The following GLS variants were observed in gnomAD, a reference collection of about 807,000 sequenced individuals.
GLS encodes the protein glutaminase kidney isoform, mitochondrial.
GLS carries 36 observed loss-of-function variants against 86.7 expected under a neutral mutation model. That is an observed-to-expected ratio of 0.42 (90% confidence interval 0.32 to 0.55). The LOEUF (loss-of-function observed/expected upper bound fraction) is 0.55, where lower values mean the gene tolerates loss of function less well. GLS is among the 20% of genes least tolerant of loss of function. GLS has a pLI of 0.17. For synonymous variants in GLS, 317 were observed against 305.9 expected, an observed-to-expected ratio of 1.04 and a Z score of -0.38; for missense variants, 528 against 833.4, an observed-to-expected ratio of 0.63 and a Z score of 4.51.
At chr2:190,946,939 G>C (rs964676236) in intron 14 of GLS, among the ~76,000 whole-genome samples, 2 of 151,920 alleles carry the variant, frequency 1.3e-5, no homozygotes, top group African/African-American at 4.8e-5. Flanking sequence ...GTGTGACCTT[G>C]AGCCAGGGTC....
chr2:190,881,193 C>T lies in GLS; in HGVS notation c.109C>T (p.Arg37Cys), dbSNP rs754525057. The T allele has an allele frequency of 3.0e-6, 4 of 1,313,950 alleles. No homozygotes were observed. In the South Asian group the frequency reaches 6.6e-5, roughly 22 times the overall value. 81.4% of individuals were successfully genotyped at this position (1,313,950 alleles called of 1,614,324 possible). ...RAQPLVTLCR[R>C]PRGGGRPAAG... Reference sequence around the variant, plus strand: ...ACAGCCCTTGGTCACCCTGTGCCGGCGTCCCCGAGGCGGGGGACGGCCGGC... The same window carrying T: ...ACAGCCCTTGGTCACCCTGTGCCGGTGTCCCCGAGGCGGGGGACGGCCGGC... The change falls in exon 1 of 18, where the codon CGT becomes TGT. Residue 37 changes from arginine to cysteine, a missense_variant. Arg to Cys is a radical substitution (Grantham distance 180). Transcript: ENST00000320717.
chr2:190,939,809 A>C (rs558210954), intron 14 of GLS, among the ~76,000 whole-genome samples: 1 of 151,902 alleles, frequency 6.6e-6, no homozygotes, highest in South Asian at 2.1e-4. Flanking sequence ...TAAATTATTA[A>C]TTGAATTCCA....
At chr2:190,915,513 A>G (rs1045716466) in intron 7 of GLS, among the ~76,000 whole-genome samples, 9 of 152,208 alleles carry the variant, frequency 5.9e-5, no homozygotes, top group Non-Finnish European at 1.2e-4. Flanking sequence ...ATGCTTGTAC[A>G]GTGATCTTCA....
chr2:190,901,288 G>A (rs367560462), intron 4 of GLS, among the ~76,000 whole-genome samples: 3 of 151,762 alleles, frequency 2.0e-5, no homozygotes, highest in Non-Finnish European at 4.4e-5. Context: ...ATTATATACC[G>A]AATTCTTACA....
intron 7 of GLS, among the ~76,000 whole-genome samples, chr2:190,915,545 G>T (rs1173683811): frequency 6.6e-6 from 1 of 152,020 alleles, no homozygotes; most frequent in Non-Finnish European, 1.5e-5. Flanking sequence ...ATATATCTTT[G>T]GATTCCATAC....
At chr2:190,922,791 C>T (rs764177080) in intron 9 of GLS, among the ~76,000 whole-genome samples, 4 of 152,156 alleles carry the variant, frequency 2.6e-5, no homozygotes, top group Admixed American at 1.3e-4. Flanking sequence ...ATATAAAGAA[C>T]ATTAACCACA....
rs1688159434 is a variant in GLS, at chr2:190,881,303, C to T, written c.219C>T (p.Ser73=). 1 of 1,491,944 alleles carries T rather than the reference C, an allele frequency of 6.7e-7. No homozygotes were observed. The highest frequency in any genetic ancestry group is 8.9e-7 in the Non-Finnish European group (1 of 1,121,000). 92.4% of individuals were successfully genotyped at this position (1,491,944 alleles called of 1,614,324 possible). The change falls in exon 1 of 18, where the codon TCC becomes TCT. Residue 73 remains serine, a synonymous_variant. Transcript: ENST00000320717. ...CGGAGCCCCTCGCGCGGGGCCTGTC[C>T]AGCTCTCCTTCGGAGATCTTGCAGG... ...WPAEPLARGL[S]SSPSEILQEL...
intron 6 of GLS, among the ~76,000 whole-genome samples, chr2:190,908,237 G>T (rs774761337): frequency 6.6e-6 from 1 of 151,970 alleles, no homozygotes; most frequent in Non-Finnish European, 1.5e-5. Context: ...ATATAATACC[G>T]AAAATATAAA....
rs1690710736 is a variant in GLS at position 190,951,235 on chromosome 2, G to A, written c.1651-2330G>A. On this transcript the variant is annotated intron_variant, in intron 14 of 17. Transcript: ENST00000320717. This position sits in a 1 kb window ranked among gnomAD's most constrained non-coding sequence, Gnocchi z 4.2. ...CAGCATGGAAGGCAAGTCGTGAGAG[G>A]GTGGAGGGTGCTGGGGGGATCTGAA... Among the ~76,000 whole-genome samples the A allele has an allele frequency of 2.0e-5, 3 of 152,154 alleles. No homozygotes were observed. The South Asian group carries it at 6.2e-4, about 31-fold the overall frequency.
In GLS at chr2:190,949,805, T is replaced by C. The variant is rs1690670747; in HGVS notation, c.1651-3760T>C. 6.6e-6 allele frequency among the ~76,000 whole-genome samples: 1 copy of C among 152,058 alleles called. No homozygotes were observed. The highest frequency in any genetic ancestry group is 2.4e-5 in the African/African-American group (1 of 41,396). ...AGAATATTCACTTAGTCAATAGATA[T>C]TTAATGAGCACCTATTATGTGTGAT... On this transcript the variant is annotated intron_variant, in intron 14 of 17. Coordinates refer to ENST00000320717, the MANE Select transcript of GLS (RefSeq NM_014905.5). The surrounding 1 kb of genome is among the most constrained non-coding windows in gnomAD (Gnocchi z 4.0).
rs912233653 is a variant in GLS, at chr2:190,956,314, G to A, written c.1853+1496G>A. On this transcript the variant is annotated intron_variant, in intron 17 of 17. Coordinates refer to ENST00000320717, the MANE Select transcript of GLS (RefSeq NM_014905.5). This position sits in a 1 kb window ranked among gnomAD's most constrained non-coding sequence, Gnocchi z 4.2. The stretch of plus-strand genomic sequence containing the variant: ...AATTTTTGTATAAGGTGAAAGGAAG[G>A]GGTCCAGGTTCAGTTTTCTGCATAT... 1.4e-4 allele frequency among the ~76,000 whole-genome samples: 21 copies of A among 152,230 alleles called. No individual in the cohort carries two copies. Among genetic ancestry groups the A allele is most frequent in the African/African-American group, 5.1e-4 (21 of 41,546 alleles).
chr2:190,960,007 C>G (rs1190316775), intron 17 of GLS, among the ~76,000 whole-genome samples: 1 of 152,106 alleles, frequency 6.6e-6, no homozygotes, highest in Non-Finnish European at 1.5e-5. Context: ...AAAAATATGC[C>G]TAGAATATAT....
In GLS at chr2:190,962,382, T is replaced by C. The variant is rs753005281; in HGVS notation, c.1854-448T>C. 9.2e-5 allele frequency among the ~76,000 whole-genome samples: 14 copies of C among 152,224 alleles called. No individual in the cohort carries two copies. The highest frequency in any genetic ancestry group is 2.1e-4 in the Non-Finnish European group (14 of 68,034). ...TTATTTCTAGACTTCTGAGACTTAC[T>C]GTGGCTTTGAATTGACACAAACACT... is the stretch of plus-strand genomic sequence containing the variant. On this transcript the variant is annotated intron_variant, in intron 17 of 17. Coordinates refer to ENST00000320717, the MANE Select transcript of GLS (RefSeq NM_014905.5). The surrounding 1 kb of genome is among the most constrained non-coding windows in gnomAD (Gnocchi z 4.2).
intron 1 of GLS, among the ~76,000 whole-genome samples, chr2:190,887,577 G>C (rs752827231): frequency 1.4e-4 from 22 of 152,056 alleles, no homozygotes; most frequent in Non-Finnish European, 2.8e-4. Flanking sequence ...TCTTCTTGAT[G>C]AGGATATTTT....
intron 1 of GLS, among the ~76,000 whole-genome samples, chr2:190,891,985 A>G (rs1688578436): frequency 6.6e-6 from 1 of 152,054 alleles, no homozygotes; most frequent in Non-Finnish European, 1.5e-5. Flanking sequence ...ATTCCACCTC[A>G]TCTAAAAAAA....
chr2:190,885,506 A>G (rs975730430), intron 1 of GLS, among the ~76,000 whole-genome samples: 2 of 152,156 alleles, frequency 1.3e-5, no homozygotes, highest in Non-Finnish European at 2.9e-5. Flanking sequence ...TTGAATTTCA[A>G]AGTAAGATGA....
rs1005232535 is a variant in GLS at position 190,962,509 on chromosome 2, T to C, written c.1854-321T>C. ...CTTTGGGCTTTTCATGAAACTAAAATTCTGGAACCCTAGAGCAGTCTATTA... is the reference window on the plus strand; with the variant it reads ...CTTTGGGCTTTTCATGAAACTAAAACTCTGGAACCCTAGAGCAGTCTATTA... On this transcript the variant is annotated intron_variant, in intron 17 of 17. Coordinates refer to ENST00000320717, the MANE Select transcript of GLS (RefSeq NM_014905.5). The surrounding 1 kb of genome is among the most constrained non-coding windows in gnomAD (Gnocchi z 4.2). Among the ~76,000 whole-genome samples the C allele has an allele frequency of 2.0e-5, 3 of 152,228 alleles. No individual in the cohort carries two copies. The highest frequency in any genetic ancestry group is 7.2e-5 in the African/African-American group (3 of 41,458).
At chr2:190,902,354 T>C (rs1442876849) in intron 5 of GLS, among the ~76,000 whole-genome samples, 1 of 152,190 alleles carries the variant, frequency 6.6e-6, no homozygotes, top group African/African-American at 2.4e-5. Flanking sequence ...ACTAATAAAA[T>C]TAGTCCCTAT....
chr2:190,932,673 C>T (rs928902918), intron 14 of GLS: 5 of 1,447,812 alleles, frequency 3.5e-6, no homozygotes, highest in African/African-American at 2.9e-5. Context: ...CCTTTCTTCA[C>T]TCAAGTGCAC....
Sources: allele counts gnomAD v4.1 joint callset (sites outside exome capture counted in the v4.1 genomes callset), GRCh38; gene constraint gnomAD v4.1.1; non-coding constraint Gnocchi (gnomAD v3.1); transcripts MANE v1.5; gene names NCBI Gene and HGNC (gene_info 2026-07-23, HGNC 2026-07-21).